The following SMARCB1 variants were observed in gnomAD, a reference collection of about 807,000 sequenced individuals.
SMARCB1 encodes the protein SWI/SNF-related matrix-associated actin-dependent regulator of chromatin subfamily B member 1.
A neutral mutation model predicts 49.0 loss-of-function variants in SMARCB1; 5 were observed. The ratio of observed to expected loss-of-function variants is 0.10; its 90% CI spans 0.05 to 0.21. The LOEUF is 0.21. Among genes scored for constraint, SMARCB1 ranks in the 10% least tolerant of loss-of-function variants. The pLI is 1.00. For synonymous variants in SMARCB1, 201 were observed against 200.1 expected, an observed-to-expected ratio of 1.00 and a Z score of -0.04; for missense variants, 226 against 509.2, an observed-to-expected ratio of 0.44 and a Z score of 5.35.
intron 3 of SMARCB1, among the ~76,000 whole-genome samples, chr22:23,797,572 A>AGTGCTGG (rs1928847545): frequency 7.2e-6 from 1 of 138,892 alleles, no homozygotes; most frequent in East Asian, 2.2e-4. Context: ...GGCCTCCCAA[A>AGTGCTGG]GTGCTGGGAT....
intron 4 of SMARCB1, chr22:23,802,607 C>G (rs924746179): frequency 6.1e-6 from 1 of 162,960 alleles, no homozygotes; most frequent in Non-Finnish European, 1.4e-5. Flanking sequence ...TCTCTGTCTT[C>G]CATCTACCTC....
intron 6 of SMARCB1, chr22:23,824,210 A>G (rs528545817): frequency 2.5e-4 from 38 of 152,308 alleles, no homozygotes; most frequent in Admixed American, 2.3e-3. Context: ...GGGTACCCTA[A>G]TCTCTAAAAG....
chr22:23,802,825 C>T (rs1229514958), intron 4 of SMARCB1: 10 of 300,196 alleles, frequency 3.3e-5, no homozygotes, highest in South Asian at 9.4e-5. Flanking sequence ...GTGGGTGCTT[C>T]GACACCCGCT....
chr22:23,797,916 G>C (rs1012376402), intron 3 of SMARCB1, among the ~76,000 whole-genome samples: 1 of 152,140 alleles, frequency 6.6e-6, no homozygotes, highest in Non-Finnish European at 1.5e-5. Flanking sequence ...ACCACACCTG[G>C]CCAGAAGGTT....
At chr22:23,827,707 G>A (rs1412811731) in intron 7 of SMARCB1, among the ~76,000 whole-genome samples, 1 of 152,218 alleles carries the variant, frequency 6.6e-6, no homozygotes, top group Non-Finnish European at 1.5e-5. Context: ...ACTGGGAAGT[G>A]TCCTGAGTGG....
intron 7 of SMARCB1, among the ~76,000 whole-genome samples, chr22:23,826,463 G>T (rs911299855): frequency 6.6e-6 from 1 of 151,176 alleles, no homozygotes; most frequent in African/African-American, 2.4e-5. Flanking sequence ...GAACTCTCCC[G>T]GCTCAGCAGG....
chr22:23,833,834 C>A, intron 8 of SMARCB1, 131 bp downstream of exon 8: 1 of 1,085,118 alleles, frequency 9.2e-7, no homozygotes, highest in Non-Finnish European at 1.4e-6. Flanking sequence ...TAGAGGCAGG[C>A]AGGCTTCTGG....
In SMARCB1 at chr22:23,835,058, G is replaced by T; in HGVS notation, c.*878G>T. On this transcript the variant is annotated 3_prime_UTR_variant, in exon 9 of 9. Coordinates refer to ENST00000644036, the MANE Select transcript of SMARCB1 (RefSeq NM_003073.5). Reference sequence around the variant, plus strand: ...GGGGCCCTTTCCCACCCCAGCAGGTGCTGTGGCCTGGGCCAGCTCCTGCCT... The same window carrying T: ...GGGGCCCTTTCCCACCCCAGCAGGTTCTGTGGCCTGGGCCAGCTCCTGCCT... 2 of 1,401,160 alleles carry T rather than the reference G, an allele frequency of 1.4e-6. No homozygotes were observed. Among genetic ancestry groups the T allele is most frequent in the Non-Finnish European group, 1.9e-6 (2 of 1,080,230 alleles). 86.8% of individuals were successfully genotyped at this position (1,401,160 alleles called of 1,614,324 possible). A position where few individuals can be genotyped will look rare whatever the true frequency, so the allele number is the denominator to read the frequency against.
chr22:23,814,692 TG>T (rs1310800521), intron 5 of SMARCB1, among the ~76,000 whole-genome samples: 6 of 142,266 alleles, frequency 4.2e-5, no homozygotes, highest in Non-Finnish European at 9.1e-5. Flanking sequence ...CAAAAAAGGC[TG>T]GGCACAGTGG....
chr22:23,806,592 A>C (rs1382934090), intron 5 of SMARCB1, among the ~76,000 whole-genome samples: 1 of 152,188 alleles, frequency 6.6e-6, no homozygotes. Flanking sequence ...GCAGTACTTG[A>C]GTAGCACGAA....
chr22:23,833,904 C>A (rs915420305), intron 8 of SMARCB1, among the ~76,000 whole-genome samples: 1 of 152,234 alleles, frequency 6.6e-6, no homozygotes, highest in African/African-American at 2.4e-5. Context: ...AACATAATTC[C>A]TCAGGCTGAG....
chr22:23,825,375 C>G lies in SMARCB1; in HGVS notation c.946C>G (p.Arg316Gly). 6.2e-7 allele frequency: 1 copy of G among 1,614,072 alleles called. No homozygotes were observed. The highest frequency in any genetic ancestry group is 8.5e-7 in the Non-Finnish European group (1 of 1,179,954). Residue 316 changes from arginine to glycine, a missense_variant, in exon 7 of 9, where the codon CGG becomes GGG. This residue lies in a region of SMARCB1 where 35 missense variants were observed against 107.2 expected (regional missense o/e 0.33). Transcript: ENST00000644036. ...TGTCACCACCATCGCATACAGCATC[C>G]GGGGACAGCTGAGCTGGCATCAGAA... ...EFVTTIAYSI[R>G]GQLSWHQKTY...
At chr22:23,817,748 C>T (rs1055458861) in intron 6 of SMARCB1, 2 of 152,206 alleles carry the variant, frequency 1.3e-5, no homozygotes, top group Non-Finnish European at 2.9e-5. Flanking sequence ...CTCCGTGGCA[C>T]TTTACTAAGA....
Position 23,792,050 on chromosome 22 carries a change from A to C in SMARCB1, c.232+156A>C, listed in dbSNP as rs1342021736. 8.2e-6 allele frequency: 6 copies of C among 727,314 alleles called. No homozygotes were observed. In the Admixed American group the frequency reaches 1.2e-4, roughly 15 times the overall value. 45.1% of individuals were successfully genotyped at this position (727,314 alleles called of 1,614,324 possible). A position where few individuals can be genotyped will look rare whatever the true frequency, so the allele number is the denominator to read the frequency against. ...GGCCGCCCTGTGAGCACTCCAGGCAAGGAAGTGGCTCCAGGGAGCCATTGG... is the reference window on the plus strand; with the variant it reads ...GGCCGCCCTGTGAGCACTCCAGGCACGGAAGTGGCTCCAGGGAGCCATTGG... On this transcript the variant is annotated intron_variant, in intron 2 of 8. Coordinates refer to ENST00000644036, the MANE Select transcript of SMARCB1 (RefSeq NM_003073.5).
At chr22:23,796,795 A>G (rs1436269181) in intron 3 of SMARCB1, among the ~76,000 whole-genome samples, 1 of 152,150 alleles carries the variant, frequency 6.6e-6, no homozygotes, top group African/African-American at 2.4e-5. Context: ...CAGGAGTGGA[A>G]TCCCGTTGCC....
rs951794949 is a variant in SMARCB1 at position 23,838,003 on chromosome 22, C to T, written c.*3823C>T. 9 of 1,252,334 alleles carry T rather than the reference C, an allele frequency of 7.2e-6. No homozygotes were observed. The highest frequency in any genetic ancestry group is 9.7e-6 in the Non-Finnish European group (9 of 925,716). The allele number at this position is 1,252,334 out of a possible 1,614,324, so 77.6% of individuals were successfully genotyped here. On this transcript the variant is annotated 3_prime_UTR_variant, in exon 9 of 9. Coordinates refer to ENST00000644036, the MANE Select transcript of SMARCB1 (RefSeq NM_003073.5). ...CCAGTCCAATAAAGGCGACACACTC[C>T]ACGGGCTTCAGGTCCCACGAAATCT...
At chr22:23,806,735 A>C (rs1929519798) in intron 5 of SMARCB1, among the ~76,000 whole-genome samples, 2 of 152,046 alleles carry the variant, frequency 1.3e-5, no homozygotes, top group South Asian at 2.1e-4. Context: ...CAGCCTGGCC[A>C]TCATGGTGAA....
rs1032089722 is a variant in SMARCB1 at position 23,835,839 on chromosome 22, G to A, written c.*1659G>A. On this transcript the variant is annotated 3_prime_UTR_variant, in exon 9 of 9. Coordinates refer to ENST00000644036, the MANE Select transcript of SMARCB1 (RefSeq NM_003073.5). Reference sequence around the variant, plus strand: ...ACAGGTCGGGCAGGGCCACCTGGCTGGGAGGTGCCGGGAAGGCTGGGCCCT... The same window carrying A: ...ACAGGTCGGGCAGGGCCACCTGGCTAGGAGGTGCCGGGAAGGCTGGGCCCT... The A allele has an allele frequency of 4.1e-6, 4 of 984,626 alleles. No individual in the cohort carries two copies. Among genetic ancestry groups the A allele is most frequent in the Non-Finnish European group, 4.8e-6 (4 of 829,770 alleles). The allele number at this position is 984,626 out of a possible 1,614,324, so 61.0% of individuals were successfully genotyped here. A position where few individuals can be genotyped will look rare whatever the true frequency, so the allele number is the denominator to read the frequency against.
At position 23,837,898 on chromosome 22, in the gene SMARCB1, C is replaced by G. The variant is rs773080554; in HGVS notation, c.*3718C>G. The G allele has an allele frequency of 1.3e-6, 2 of 1,565,304 alleles. No homozygotes were observed. Among genetic ancestry groups the G allele is most frequent in the Admixed American group, 3.6e-5 (2 of 55,242 alleles). On this transcript the variant is annotated 3_prime_UTR_variant, in exon 9 of 9. Coordinates refer to ENST00000644036, the MANE Select transcript of SMARCB1 (RefSeq NM_003073.5). ...GCTCCGGTGCAGGCCTCAGCCCAAG[C>G]CCAGGGCCCCTCTGACTTCCCAAGA...
Sources: gnomAD v4.1 joint callset for allele counts (sites outside exome capture counted in the v4.1 genomes callset) on GRCh38, gnomAD v4.1.1 for gene constraint, gnomAD v4.1.1 regional missense constraint, MANE v1.5 for transcripts, NCBI Gene and HGNC (gene_info 2026-07-23, HGNC 2026-07-21) for gene names.